JARID2: variants seen among roughly 807,000 people sequenced by gnomAD.
JARID2 encodes protein Jumonji.
JARID2 carries 21 observed loss-of-function variants against 125.6 expected under a neutral mutation model. The observed-to-expected ratio is 0.17, with a 90% CI of 0.12 to 0.24. The LOEUF is 0.24. Among genes scored for constraint, JARID2 ranks in the 10% least tolerant of loss-of-function variants. JARID2 has a pLI of 1.00. For synonymous variants in JARID2, 736 were observed against 661.6 expected, an observed-to-expected ratio of 1.11 and a Z score of -1.73; for missense variants, 1,303 against 1,639.6, an observed-to-expected ratio of 0.79 and a Z score of 3.55.
chr6:15,479,142 T>C (rs531642635), intron 5 of JARID2, among the ~76,000 whole-genome samples: 3 of 152,268 alleles, frequency 2.0e-5, no homozygotes, highest in Non-Finnish European at 4.4e-5. Context: ...GTAAGGCCAT[T>C]TGTCCAGCTG....
At chr6:15,416,122 G>A (rs558710763) in intron 3 of JARID2, among the ~76,000 whole-genome samples, 877 of 151,788 alleles carry the variant, frequency 5.8e-3, no homozygotes, top group Non-Finnish European at 9.7e-3. Flanking sequence ...TCACTTCCTA[G>A]ATGGGATGGC....
At chr6:15,410,994 T>C (rs997129530) in intron 3 of JARID2, among the ~76,000 whole-genome samples, 1 of 152,246 alleles carries the variant, frequency 6.6e-6, no homozygotes, top group African/African-American at 2.4e-5. Context: ...AGTGACATTT[T>C]ATAATAATGA....
At chr6:15,390,363 A>G (rs1311995376) in intron 2 of JARID2, among the ~76,000 whole-genome samples, 1 of 152,126 alleles carries the variant, frequency 6.6e-6, no homozygotes. Flanking sequence ...CTATCCGTTC[A>G]TCGCCGCACT....
At chr6:15,391,155 A>G (rs1287888062) in intron 2 of JARID2, among the ~76,000 whole-genome samples, 5 of 151,924 alleles carry the variant, frequency 3.3e-5, no homozygotes, top group Admixed American at 2.6e-4. Context: ...GCCCCCTTCT[A>G]GGTTCTGAAT....
chr6:15,398,333 A>G (rs1765293504), intron 2 of JARID2, among the ~76,000 whole-genome samples: 1 of 152,228 alleles, frequency 6.6e-6, no homozygotes, highest in African/African-American at 2.4e-5. Context: ...CAGCCTATTA[A>G]TGAACATGGA....
chr6:15,386,787 G>T (rs1250049613), intron 2 of JARID2, among the ~76,000 whole-genome samples: 2 of 152,228 alleles, frequency 1.3e-5, no homozygotes, highest in Non-Finnish European at 2.9e-5. Context: ...AGAGGCCCAT[G>T]TGCATCCCCT....
intron 3 of JARID2, among the ~76,000 whole-genome samples, chr6:15,413,264 C>T (rs978116811): frequency 7.9e-5 from 12 of 152,046 alleles, no homozygotes; most frequent in Non-Finnish European, 1.8e-4. Flanking sequence ...CCGCCCACCT[C>T]GGCCTCCCAA....
intron 1 of JARID2, among the ~76,000 whole-genome samples, chr6:15,252,319 A>T (rs55825531): frequency 2.3e-4 from 34 of 150,742 alleles, no homozygotes; most frequent in East Asian, 5.8e-4. Flanking sequence ...TTTTTTTTTT[A>T]AAAATTGTTT....
chr6:15,412,188 A>G (rs1384026851), intron 3 of JARID2, among the ~76,000 whole-genome samples: 2 of 152,128 alleles, frequency 1.3e-5, no homozygotes. Context: ...TCAAGGTTTT[A>G]TGTGGATTAA....
At chr6:15,516,673 T>C (rs938387836) in intron 16 of JARID2, among the ~76,000 whole-genome samples, 3 of 152,218 alleles carry the variant, frequency 2.0e-5, no homozygotes, top group Non-Finnish European at 4.4e-5. Context: ...AGAACCTGTT[T>C]TGCTGCTGGA....
At chr6:15,468,842 A>C in intron 5 of JARID2, 124 bp downstream of exon 5, 1 of 886,110 alleles carries the variant, frequency 1.1e-6, no homozygotes, top group South Asian at 1.8e-5. Context: ...CTCCAGGGCC[A>C]GACACTTCAT....
chr6:15,475,587 G>T (rs1769300689), intron 5 of JARID2, among the ~76,000 whole-genome samples: 1 of 152,230 alleles, frequency 6.6e-6, no homozygotes, highest in Non-Finnish European at 1.5e-5. Flanking sequence ...GCCAGGCCGT[G>T]CTGCACCTGC....
chr6:15,358,062 C>T (rs989180865), intron 1 of JARID2, among the ~76,000 whole-genome samples: 2 of 152,076 alleles, frequency 1.3e-5, no homozygotes, highest in African/African-American at 4.8e-5. Flanking sequence ...ATTTTGGCCT[C>T]TGGGGCGTGT....
chr6:15,369,575 C>T (rs146449987), intron 1 of JARID2, among the ~76,000 whole-genome samples: 57 of 152,186 alleles, frequency 3.7e-4, no homozygotes, highest in South Asian at 1.5e-3. Context: ...TACCAAGGGG[C>T]CTGAAGTGGT....
At chr6:15,483,004 A>G (rs953148626) in intron 5 of JARID2, among the ~76,000 whole-genome samples, 4 of 152,198 alleles carry the variant, frequency 2.6e-5, no homozygotes, top group Non-Finnish European at 5.9e-5. Flanking sequence ...CTGAAATTCT[A>G]ATTTTTGCCT....
intron 1 of JARID2, among the ~76,000 whole-genome samples, chr6:15,286,255 C>CTTT (rs60401396): frequency 7.3e-6 from 1 of 137,702 alleles, no homozygotes; most frequent in Non-Finnish European, 1.6e-5. Context: ...TGGAAGAATT[C>CTTT]TTTTTTTTTT....
rs774055865 is a variant in JARID2 at position 15,520,118 on chromosome 6, A to G, written c.3608A>G (p.Lys1203Arg). ...CAGATCTGCGGCAAAGTGTCTGGTA[A>G]AAACGGCAGCATTGAGAACTGTCTC... Reference protein sequence around the residue: ...VNQICGKVSGKNGSIENCLSK... With the variant: ...VNQICGKVSGRNGSIENCLSK... The change falls in exon 18 of 18, where the codon AAA becomes AGA. Residue 1203 changes from lysine to arginine, a missense_variant. Lys to Arg is a conservative substitution (Grantham distance 26, BLOSUM62 2). Coordinates refer to ENST00000341776, the MANE Select transcript of JARID2 (RefSeq NM_004973.4). The G allele has an allele frequency of 3.1e-6, 5 of 1,613,978 alleles. No individual in the cohort carries two copies. In the Admixed American group the frequency reaches 5.0e-5, roughly 16 times the overall value.
chr6:15,338,352 C>G (rs56295431), intron 1 of JARID2, among the ~76,000 whole-genome samples: 1 of 152,222 alleles, frequency 6.6e-6, no homozygotes, highest in Admixed American at 6.5e-5. Context: ...TGCATTGACT[C>G]TCAGAATCTG....
At chr6:15,301,579 A>ATTTTTT (rs1202016562) in intron 1 of JARID2, among the ~76,000 whole-genome samples, 12 of 152,182 alleles carry the variant, frequency 7.9e-5, no homozygotes, top group Non-Finnish European at 1.6e-4. Context: ...TGTTGACCAC[A>ATTTTTT]TTTTATTTTC....
Sources: gnomAD v4.1 joint callset for allele counts (sites outside exome capture counted in the v4.1 genomes callset) on GRCh38, gnomAD v4.1.1 for gene constraint, MANE v1.5 for transcripts, NCBI Gene and HGNC (gene_info 2026-07-23, HGNC 2026-07-21) for gene names.